Variants in RAD51B observed in about 807,000 individuals in gnomAD.
RAD51B encodes the protein RAD51 paralog B, also known as DNA repair protein RAD51 homolog 2.
Under a neutral mutation model 42.2 loss-of-function variants are expected in RAD51B, and 38 were observed. The ratio of observed to expected loss-of-function variants is 0.90; its 90% CI spans 0.70 to 1.18. The LOEUF (loss-of-function observed/expected upper bound fraction) is 1.18. Ranked by LOEUF, RAD51B falls within the 50% of genes most tolerant of loss-of-function variation. The pLI is 0.00. For missense variants in RAD51B, 373 were observed against 400.7 expected (o/e 0.93, Z 0.59); for synonymous variants, 154 against 145.2 (o/e 1.06, Z -0.43).
intron 7 of RAD51B, among the ~76,000 whole-genome samples, chr14:68,028,309 A>G (rs916060209): frequency 6.6e-6 from 1 of 152,188 alleles, no homozygotes; most frequent in African/African-American, 2.4e-5. Context: ...CACTGTTACC[A>G]TGCCTGCCTT....
At chr14:68,643,865 G>T (rs1169192916) in intron 10 of RAD51B, among the ~76,000 whole-genome samples, 1 of 152,148 alleles carries the variant, frequency 6.6e-6, no homozygotes, top group Non-Finnish European at 1.5e-5. Context: ...GGAGAGAGGA[G>T]TGGTCATGAA....
chr14:68,193,935 A>T (rs2079315625), intron 7 of RAD51B, among the ~76,000 whole-genome samples: 1 of 152,184 alleles, frequency 6.6e-6, no homozygotes, highest in South Asian at 2.1e-4. Flanking sequence ...TCTCTCTGTG[A>T]TCACACTCAT....
At chr14:68,098,859 C>A (rs576802314) in intron 7 of RAD51B, among the ~76,000 whole-genome samples, 2 of 152,260 alleles carry the variant, frequency 1.3e-5, no homozygotes, top group South Asian at 4.1e-4. Flanking sequence ...GAGCAGAGAC[C>A]TGAATGCAAT....
At chr14:68,241,268 C>T (rs949343177) in intron 7 of RAD51B, among the ~76,000 whole-genome samples, 4 of 152,202 alleles carry the variant, frequency 2.6e-5, no homozygotes, top group East Asian at 1.9e-4. Context: ...ATCAGGCGGG[C>T]GTGGTGGCTC....
At chr14:68,192,979 A>G (rs1199345754) in intron 7 of RAD51B, among the ~76,000 whole-genome samples, 1 of 152,216 alleles carries the variant, frequency 6.6e-6, no homozygotes, top group Admixed American at 6.5e-5. Context: ...GCTGGTACAC[A>G]GCTCTTTTCT....
At chr14:68,165,958 G>A (rs966828587) in intron 7 of RAD51B, among the ~76,000 whole-genome samples, 3 of 151,984 alleles carry the variant, frequency 2.0e-5, no homozygotes, top group South Asian at 2.1e-4. Flanking sequence ...CAATGATCTC[G>A]GCATTAATAT....
At chr14:68,450,906 A>T (rs1378717201) in intron 9 of RAD51B, among the ~76,000 whole-genome samples, 1 of 152,194 alleles carries the variant, frequency 6.6e-6, no homozygotes, top group African/African-American at 2.4e-5. Context: ...TTCTGAGCAG[A>T]GTTCATTCTT....
chr14:67,970,112 A>G (rs964665133), intron 7 of RAD51B, among the ~76,000 whole-genome samples: 6 of 152,166 alleles, frequency 3.9e-5, no homozygotes, highest in Non-Finnish European at 7.4e-5. Context: ...AAATTTTCCC[A>G]TCTTTAGCAT....
chr14:68,196,064 C>A (rs568039133), intron 7 of RAD51B, among the ~76,000 whole-genome samples: 1 of 151,386 alleles, frequency 6.6e-6, no homozygotes, highest in Admixed American at 6.6e-5. Context: ...ATTAGCTGGG[C>A]GTGGTGGCAG....
At chr14:68,051,815 C>T (rs1170150164) in intron 7 of RAD51B, among the ~76,000 whole-genome samples, 1 of 151,876 alleles carries the variant, frequency 6.6e-6, no homozygotes, top group East Asian at 1.9e-4. Flanking sequence ...ATTGTCCAGG[C>T]TGGTCTTGAA....
intron 7 of RAD51B, among the ~76,000 whole-genome samples, chr14:68,133,008 A>G (rs868307587): frequency 2.0e-5 from 3 of 152,244 alleles, no homozygotes; most frequent in Non-Finnish European, 4.4e-5. Flanking sequence ...ATTGGCTCTT[A>G]GGAGAACTAT....
At chr14:68,240,908 T>A (rs2080370343) in intron 7 of RAD51B, among the ~76,000 whole-genome samples, 1 of 152,254 alleles carries the variant, frequency 6.6e-6, no homozygotes, top group Non-Finnish European at 1.5e-5. Context: ...TTTACCTACA[T>A]TATCTTATTA....
chr14:68,334,958 TATA>T (rs774173956), intron 8 of RAD51B, among the ~76,000 whole-genome samples: 6 of 144,746 alleles, frequency 4.1e-5, no homozygotes, highest in Non-Finnish European at 6.0e-5. Context: ...ATATATGTTT[TATA>T]TATATATATA....
At chr14:68,221,464 G>T (rs978912053) in intron 7 of RAD51B, among the ~76,000 whole-genome samples, 2 of 152,204 alleles carry the variant, frequency 1.3e-5, no homozygotes, top group African/African-American at 4.8e-5. Context: ...TCAACAAATG[G>T]TGCTGGGATA....
chr14:68,479,973 C>G (rs1440522093), downstream of RAD51B, among the ~76,000 whole-genome samples: 1 of 152,138 alleles, frequency 6.6e-6, no homozygotes, highest in Non-Finnish European at 1.5e-5. Flanking sequence ...AGGCATGAGC[C>G]ACCGCGCCCA....
At chr14:68,294,240 G>C (rs2081570745) in intron 8 of RAD51B, among the ~76,000 whole-genome samples, 1 of 152,090 alleles carries the variant, frequency 6.6e-6, no homozygotes. Context: ...CAAAGGAAGA[G>C]TTACCAGGTT....
intron 4 of RAD51B, among the ~76,000 whole-genome samples, chr14:67,856,187 T>C (rs2041995033): frequency 1.3e-5 from 2 of 152,122 alleles, no homozygotes; most frequent in South Asian, 4.1e-4. Context: ...TCCCTACTCT[T>C]CCTCTCTCCC....
chr14:68,588,434 T>C (rs1246596039), intron 10 of RAD51B, among the ~76,000 whole-genome samples: 1 of 152,228 alleles, frequency 6.6e-6, no homozygotes, highest in Non-Finnish European at 1.5e-5. Context: ...TGTAGTCCCC[T>C]GACCATGAAT....
intron 8 of RAD51B, among the ~76,000 whole-genome samples, chr14:68,386,822 C>T (rs535172722): frequency 5.9e-5 from 9 of 152,204 alleles, no homozygotes; most frequent in Non-Finnish European, 7.3e-5. Flanking sequence ...TCCTTTCCAA[C>T]TTGATGGTAT....
Sources: allele counts gnomAD v4.1 joint callset (sites outside exome capture counted in the v4.1 genomes callset), GRCh38; gene constraint gnomAD v4.1.1; transcripts MANE v1.5; gene names NCBI Gene and HGNC (gene_info 2026-07-23, HGNC 2026-07-21).